Variants in KANSL1 observed in about 807,000 individuals in gnomAD.
The protein encoded by KANSL1 is KAT8 regulatory NSL complex subunit 1.
A neutral mutation model predicts 103.6 loss-of-function variants in KANSL1; 22 were observed. The ratio of observed to expected loss-of-function variants is 0.21; its 90% CI spans 0.15 to 0.30. The LOEUF is 0.30. Ranked by LOEUF, KANSL1 falls within the 10% of genes least tolerant of loss-of-function variation. The pLI is 1.00. For missense variants in KANSL1, 1,337 were observed against 1,399.8 expected (o/e 0.96, Z 0.72); for synonymous variants, 600 against 527.6 (o/e 1.14, Z -1.88).
At chr17:46,181,930 T>C (rs2046815002) in intron 1 of KANSL1, among the ~76,000 whole-genome samples, 1 of 152,160 alleles carries the variant, frequency 6.6e-6, no homozygotes, top group African/African-American at 2.4e-5. Flanking sequence ...ATACATAGCA[T>C]CTCCACAAAA....
At chr17:46,209,136 T>C (rs2048077534) in intron 1 of KANSL1, among the ~76,000 whole-genome samples, 2 of 151,324 alleles carry the variant, frequency 1.3e-5, no homozygotes, top group Admixed American at 6.6e-5. Context: ...TGAGCCAAGA[T>C]TGCGCCGATT....
At chr17:46,224,305 C>T (rs2048618105), upstream of KANSL1, among the ~76,000 whole-genome samples, 1 of 152,042 alleles carries the variant, frequency 6.6e-6, no homozygotes, top group Non-Finnish European at 1.5e-5. Context: ...CCCCAGAGAT[C>T]GTTAAAAGCA....
chr17:46,048,120 C>T (rs1038679194), intron 7 of KANSL1, among the ~76,000 whole-genome samples: 2 of 151,990 alleles, frequency 1.3e-5, no homozygotes, highest in African/African-American at 4.8e-5. Context: ...GTTGCCCATG[C>T]TGGTCTCAAA....
intron 1 of KANSL1, among the ~76,000 whole-genome samples, chr17:46,191,138 G>C (rs2047299376): frequency 1.3e-5 from 2 of 152,166 alleles, no homozygotes. Context: ...TTATAAAATA[G>C]GAGTTTACCC....
intron 6 of KANSL1, among the ~76,000 whole-genome samples, chr17:46,065,672 T>G (rs781213786): frequency 7.2e-5 from 11 of 152,316 alleles, no homozygotes; most frequent in Middle Eastern, 3.4e-3. Flanking sequence ...GGTTATCATC[T>G]TCAAAGATAA....
intron 1 of KANSL1, among the ~76,000 whole-genome samples, chr17:46,209,868 A>C (rs2048100738): frequency 6.6e-6 from 1 of 152,238 alleles, no homozygotes; most frequent in African/African-American, 2.4e-5. Flanking sequence ...TGACGGTCAT[A>C]TGAGTGACCT....
At chr17:46,189,806 C>T (rs866070691) in intron 1 of KANSL1, among the ~76,000 whole-genome samples, 11 of 151,180 alleles carry the variant, frequency 7.3e-5, no homozygotes, top group South Asian at 2.1e-4. Flanking sequence ...ACCCAGGCGG[C>T]TGAGGCACGA....
At chr17:46,036,824 T>C (rs2077164904) in intron 10 of KANSL1, among the ~76,000 whole-genome samples, 2 of 152,246 alleles carry the variant, frequency 1.3e-5, no homozygotes, top group African/African-American at 4.8e-5. Context: ...GTTCAAGTGA[T>C]TCTCCTGCCT....
chr17:46,181,883 A>C (rs1443473275), intron 1 of KANSL1, among the ~76,000 whole-genome samples: 11 of 150,214 alleles, frequency 7.3e-5, no homozygotes, highest in African/African-American at 2.7e-4. Flanking sequence ...TCCTTCTTCT[A>C]CTTTTTTTTT....
chr17:46,193,108 G>A lies in KANSL1; in HGVS notation c.-375C>T, dbSNP rs1159723762. ...CTTGCTCCGCACCGACGGGGCCCGAGCACGGCTGGAGACCGCAGCCCGGCC... is the reference window on the plus strand; with the variant it reads ...CTTGCTCCGCACCGACGGGGCCCGAACACGGCTGGAGACCGCAGCCCGGCC... On this transcript the variant is annotated 5_prime_UTR_variant, in exon 1 of 15. Coordinates refer to ENST00000432791, the MANE Select transcript of KANSL1 (RefSeq NM_015443.4). 6.6e-6 allele frequency: 1 copy of A among 152,238 alleles called. No individual in the cohort carries two copies. The highest frequency in any genetic ancestry group is 2.1e-4 in the South Asian group (1 of 4,842). 9.4% of individuals were successfully genotyped at this position (152,238 alleles called of 1,614,324 possible). A position where few individuals can be genotyped will look rare whatever the true frequency, so the allele number is the denominator to read the frequency against.
At chr17:46,083,793 A>T (rs985517644) in intron 3 of KANSL1, among the ~76,000 whole-genome samples, 1 of 152,126 alleles carries the variant, frequency 6.6e-6, no homozygotes, top group African/African-American at 2.4e-5. Context: ...GGCTCAAAGA[A>T]CATCCTAAAG....
intron 10 of KANSL1, among the ~76,000 whole-genome samples, chr17:46,036,898 G>C (rs1164054435): frequency 6.6e-6 from 1 of 152,066 alleles, no homozygotes; most frequent in Non-Finnish European, 1.5e-5. Flanking sequence ...TTTTAGTAGG[G>C]ATAGGGTTTC....
At position 46,171,434 on chromosome 17, in the gene KANSL1, A is replaced by G. The variant is rs754918795; in HGVS notation, c.710T>C (p.Met237Thr). The G allele has an allele frequency of 1.2e-6, 2 of 1,614,094 alleles. No individual in the cohort carries two copies. The highest frequency in any genetic ancestry group is 1.7e-6 in the Non-Finnish European group (2 of 1,180,008). Residue 237 changes from methionine (M) to threonine (T), a missense_variant, in exon 2 of 15, where the codon ATG (methionine) becomes ACG (threonine). Physicochemically the swap from Met to Thr is moderately conservative, Grantham distance 81. Coordinates refer to ENST00000432791, the MANE Select transcript of KANSL1 (RefSeq NM_015443.4). ...GCTTCCTTGAAGTGCCGGCTGTTCC[A>G]TGGAATTGACAGAGGATTTGTTTGC... ...STANKSSVNS[M>T]EQPALQGSSR... is the part of the protein sequence containing the mutation.
At chr17:46,102,764 T>C (rs947634920) in intron 2 of KANSL1, among the ~76,000 whole-genome samples, 1 of 152,248 alleles carries the variant, frequency 6.6e-6, no homozygotes, top group Admixed American at 6.5e-5. Flanking sequence ...AACTATTAGT[T>C]ACCAAGAATT....
intron 2 of KANSL1, among the ~76,000 whole-genome samples, chr17:46,136,728 A>G (rs2696604): frequency 0.14 from 21,957 of 152,234 alleles, 2,138 homozygotes; most frequent in Non-Finnish European, 0.22. Context: ...AATTTACATC[A>G]TATCCTTCTT....
At chr17:46,105,518 A>T (rs2042494670) in intron 2 of KANSL1, among the ~76,000 whole-genome samples, 12 of 152,166 alleles carry the variant, frequency 7.9e-5, no homozygotes, top group Admixed American at 7.9e-4. Flanking sequence ...TGGGAGGCTG[A>T]GGCAGAAGAA....
At chr17:46,134,498 C>T (rs1445024689) in intron 2 of KANSL1, among the ~76,000 whole-genome samples, 10 of 152,106 alleles carry the variant, frequency 6.6e-5, no homozygotes, top group African/African-American at 2.4e-4. Flanking sequence ...GGAGATAGAG[C>T]TGACCTGAAA....
intron 11 of KANSL1, 73 bp downstream of exon 11, chr17:46,034,088 G>C (rs2077084416): frequency 1.3e-6 from 2 of 1,568,748 alleles, no homozygotes; most frequent in Non-Finnish European, 1.7e-6. Context: ...CCAACTCTTG[G>C]TCAGAAGAGA....
intron 2 of KANSL1, among the ~76,000 whole-genome samples, chr17:46,154,623 T>C (rs1411944085): frequency 6.6e-6 from 1 of 152,142 alleles, no homozygotes; most frequent in South Asian, 2.1e-4. Flanking sequence ...AAGGGAAGGG[T>C]AGAATTTCCT....
Sources: gnomAD v4.1 joint callset for allele counts (sites outside exome capture counted in the v4.1 genomes callset) on GRCh38, gnomAD v4.1.1 for gene constraint, MANE v1.5 for transcripts, NCBI Gene and HGNC (gene_info 2026-07-23, HGNC 2026-07-21) for gene names.